The following CACHD1 variants were observed in gnomAD, a reference collection of about 807,000 sequenced individuals.
The protein encoded by CACHD1 is cache domain containing 1.
Under a neutral mutation model 138.7 loss-of-function variants are expected in CACHD1, and 71 were observed. That is an observed-to-expected ratio of 0.51 (90% confidence interval 0.42 to 0.62). The LOEUF (loss-of-function observed/expected upper bound fraction) is 0.62. CACHD1 is among the 20% of genes least tolerant of loss of function. The pLI is 0.00. For missense variants in CACHD1, 1,389 were observed against 1,625.3 expected, an observed-to-expected ratio of 0.85 and a Z score of 2.50; for synonymous variants, 578 against 591.5, an observed-to-expected ratio of 0.98 and a Z score of 0.33.
chr1:64,678,235 T>C lies in CACHD1; in HGVS notation c.3169T>C (p.Cys1057Arg). The change falls in exon 23 of 27, where the codon TGT becomes CGT. Residue 1057 changes from cysteine (C) to arginine (R), a missense_variant. By Grantham distance (180) the Cys-to-Arg change is radical (BLOSUM62 -3). Around this residue, in one of 5 missense-constraint regions of CACHD1, gnomAD observed 250 missense variants for 292.9 expected, o/e 0.85. Transcript: ENST00000651257. ...AAAGACTCACCTGGACAAACCCTAC[T>C]GTGCCCCCCAGAAAGAATGCTTCGG... Reference protein sequence around the residue: ...DGKTHLDKPYCAPQKECFGGI... With the variant: ...DGKTHLDKPYRAPQKECFGGI... The C allele has an allele frequency of 6.2e-7, 1 of 1,612,206 alleles. No individual in the cohort carries two copies. Among genetic ancestry groups the C allele is most frequent in the Non-Finnish European group, 8.5e-7 (1 of 1,179,272 alleles).
chr1:64,601,623 T>TC (rs1347702790), intron 3 of CACHD1, among the ~76,000 whole-genome samples: 1 of 152,242 alleles, frequency 6.6e-6, no homozygotes, highest in African/African-American at 2.4e-5. Context: ...GAAAACCTAG[T>TC]CCCCTTGCTT....
intron 2 of CACHD1, among the ~76,000 whole-genome samples, chr1:64,581,695 C>A (rs1328026380): frequency 1.3e-5 from 2 of 152,164 alleles, no homozygotes; most frequent in South Asian, 2.1e-4. Context: ...GCAGGAGACA[C>A]TGAATGTTGT....
rs1309786166 is a variant in CACHD1, at chr1:64,632,762, A to G, written c.789+19A>G. On this transcript the variant is annotated intron_variant, in intron 6 of 26. Transcript: ENST00000651257. Reference sequence around the variant, plus strand: ...TGACAAGGTGACCATGACCCTTGTGACCCCTATGGCATCAGGTTCTCCTTG... The same window carrying G: ...TGACAAGGTGACCATGACCCTTGTGGCCCCTATGGCATCAGGTTCTCCTTG... The G allele has an allele frequency of 6.2e-7, 1 of 1,613,762 alleles. No homozygotes were observed. Among genetic ancestry groups the G allele is most frequent in the Non-Finnish European group, 8.5e-7 (1 of 1,179,808 alleles).
rs149564819 is a variant in CACHD1 at position 64,641,892 on chromosome 1, C to G, written c.1079C>G (p.Ala360Gly). ...GACTCTTCGGAAGAAGATAAAAAAG[C>G]GACTCTCCAAGTCATCAATGAAGAA... ...SKDSSEEDKK[A>G]TLQVINEENS... The change falls in exon 8 of 27, where the codon GCG becomes GGG. Residue 360 changes from alanine to glycine, a missense_variant. Ala to Gly is a moderately conservative substitution (Grantham distance 60). Transcript: ENST00000651257. 1.2e-6 allele frequency: 2 copies of G among 1,605,214 alleles called. No individual in the cohort carries two copies. The highest frequency in any genetic ancestry group is 8.5e-7 in the Non-Finnish European group (1 of 1,176,264).
chr1:64,675,267 A>G (rs1386966185), intron 19 of CACHD1, 134 bp from the exon 20 acceptor site: 3 of 625,368 alleles, frequency 4.8e-6, no homozygotes, highest in Non-Finnish European at 7.8e-6. Flanking sequence ...ATATTTTTTA[A>G]CAGTGACTTT....
intron 1 of CACHD1, among the ~76,000 whole-genome samples, chr1:64,519,404 C>T (rs1449535072): frequency 1.3e-5 from 2 of 152,150 alleles, no homozygotes; most frequent in Non-Finnish European, 2.9e-5. Context: ...AAAGGAGTAC[C>T]ATAGAAAAAT....
chr1:64,605,122 G>A (rs1045169632), intron 4 of CACHD1, among the ~76,000 whole-genome samples: 5 of 149,778 alleles, frequency 3.3e-5, no homozygotes, highest in African/African-American at 7.4e-5. Flanking sequence ...ACCCACCACC[G>A]ACCGGCTAAT....
At chr1:64,681,543 T>G (rs557174232) in intron 25 of CACHD1, among the ~76,000 whole-genome samples, 12 of 101,974 alleles carry the variant, frequency 1.2e-4, no homozygotes, top group African/African-American at 3.5e-4. Context: ...TTTATTGTGT[T>G]TTTTTTTTTT....
chr1:64,619,381 G>A (rs745940252), intron 4 of CACHD1, among the ~76,000 whole-genome samples: 20 of 152,316 alleles, frequency 1.3e-4, no homozygotes, highest in African/African-American at 4.8e-4. Context: ...TTACAAAATT[G>A]TGGGGGTTTG....
At chr1:64,658,323 G>T (rs1649332600) in intron 12 of CACHD1, among the ~76,000 whole-genome samples, 1 of 152,176 alleles carries the variant, frequency 6.6e-6, no homozygotes, top group Non-Finnish European at 1.5e-5. Flanking sequence ...AACCAATTAT[G>T]TATTTTTAAG....
intron 1 of CACHD1, among the ~76,000 whole-genome samples, chr1:64,521,218 T>C (rs1646495882): frequency 6.6e-6 from 1 of 152,158 alleles, no homozygotes; most frequent in African/African-American, 2.4e-5. Flanking sequence ...CTCCTAGCTG[T>C]CATCTGGGGG....
intron 2 of CACHD1, among the ~76,000 whole-genome samples, chr1:64,570,616 T>C (rs1252684235): frequency 1.3e-5 from 2 of 152,248 alleles, no homozygotes; most frequent in Admixed American, 1.3e-4. Context: ...AGATAGGGGA[T>C]GAGAAGACCT....
At chr1:64,652,020 C>T (rs1162878886) in intron 9 of CACHD1, 141 bp from the exon 10 acceptor site, 4 of 647,002 alleles carry the variant, frequency 6.2e-6, no homozygotes, top group Non-Finnish European at 1.0e-5. Context: ...TGCTTGATTA[C>T]TGGACCACAT....
chr1:64,537,927 T>G (rs1646646609), intron 1 of CACHD1, among the ~76,000 whole-genome samples: 1 of 152,182 alleles, frequency 6.6e-6, no homozygotes, highest in Non-Finnish European at 1.5e-5. Context: ...CATTTTATGT[T>G]TCCTTTATTT....
Position 64,663,252 on chromosome 1 carries a change from C to T in CACHD1, c.1952-443C>T, listed in dbSNP as rs112051534. Among the ~76,000 whole-genome samples the T allele has an allele frequency of 1.4e-3, 204 of 145,980 alleles. 1 individual carries two copies. Among genetic ancestry groups the T allele is most frequent in the African/African-American group, 5.0e-3 (200 of 39,792 alleles). On this transcript the variant is annotated intron_variant, in intron 13 of 26. Coordinates refer to ENST00000651257, the MANE Select transcript of CACHD1 (RefSeq NM_020925.4). ...GCTCCCTGAAGGGAGAGAATGTGGC[C>T]CTTTAGATATTAAGCCGCCGCCGGG...
At chr1:64,548,283 A>G (rs1022164618) in intron 1 of CACHD1, among the ~76,000 whole-genome samples, 1 of 152,230 alleles carries the variant, frequency 6.6e-6, no homozygotes. Context: ...GCATTTGCCA[A>G]GATAGAACAG....
intron 8 of CACHD1, among the ~76,000 whole-genome samples, chr1:64,643,792 T>C (rs542397606): frequency 4.8e-4 from 73 of 152,274 alleles, no homozygotes; most frequent in Non-Finnish European, 7.9e-4. Context: ...GAGCCGAGAT[T>C]GCACCACTGC....
intron 2 of CACHD1, among the ~76,000 whole-genome samples, chr1:64,564,698 C>G (rs1465647892): frequency 6.6e-6 from 1 of 152,128 alleles, no homozygotes; most frequent in Non-Finnish European, 1.5e-5. Flanking sequence ...AATCTGTAAA[C>G]TTTAAAAGGG....
intron 1 of CACHD1, among the ~76,000 whole-genome samples, chr1:64,535,841 T>G (rs1021739889): frequency 6.6e-6 from 1 of 152,096 alleles, no homozygotes; most frequent in African/African-American, 2.4e-5. Context: ...TCTGTGGTGG[T>G]GGGGGGCCTA....
Sources: gnomAD v4.1 joint callset for allele counts (sites outside exome capture counted in the v4.1 genomes callset) on GRCh38, gnomAD v4.1.1 for gene constraint, gnomAD v4.1.1 regional missense constraint, MANE v1.5 for transcripts, NCBI Gene and HGNC (gene_info 2026-07-23, HGNC 2026-07-21) for gene names.